The following SLC25A15 variants were observed in gnomAD, a reference collection of about 807,000 sequenced individuals.
SLC25A15 encodes the protein solute carrier family 25 member 15.
Under a neutral mutation model 32.3 loss-of-function variants are expected in SLC25A15, and 24 were observed. That is an observed-to-expected ratio of 0.74 (90% CI 0.54 to 1.04). The LOEUF (loss-of-function observed/expected upper bound fraction) is 1.04. Ranked by LOEUF, SLC25A15 falls within the 50% of genes least tolerant of loss-of-function variation. SLC25A15 has a pLI of 0.00. For missense variants in SLC25A15, 317 were observed against 374.5 expected (o/e 0.85, Z 1.27); for synonymous variants, 132 against 142.1 (o/e 0.93, Z 0.51).
intron 2 of SLC25A15, among the ~76,000 whole-genome samples, chr13:40,797,944 G>A (rs746130260): frequency 1.3e-5 from 2 of 152,170 alleles, no homozygotes; most frequent in Non-Finnish European, 2.9e-5. Flanking sequence ...GGATGTTGTA[G>A]GGTGGTTACA....
In SLC25A15 at chr13:40,799,326, G is replaced by A; in HGVS notation, c.314+11G>A. On this transcript the variant is annotated intron_variant, in intron 3 of 6. Coordinates refer to ENST00000338625, the MANE Select transcript of SLC25A15 (RefSeq NM_014252.4). ...GCAGGCAAAGCTGAGGTGAGTCAAG[G>A]ACACACACTTTTTTTATTTGTTTAA... 1 of 1,614,030 alleles carries A rather than the reference G, an allele frequency of 6.2e-7. No individual in the cohort carries two copies. The highest frequency in any genetic ancestry group is 8.5e-7 in the Non-Finnish European group (1 of 1,180,008).
At position 40,810,679 on chromosome 13, in the gene SLC25A15, G is replaced by T; in HGVS notation, c.*1012G>T. 1 of 519,078 alleles carries T rather than the reference G, an allele frequency of 1.9e-6. No individual in the cohort carries two copies. The highest frequency in any genetic ancestry group is 1.4e-5 in the South Asian group (1 of 69,676). The allele number at this position is 519,078 out of a possible 1,614,324, so 32.2% of individuals were successfully genotyped here. On this transcript the variant is annotated 3_prime_UTR_variant, in exon 7 of 7. Coordinates refer to ENST00000338625, the MANE Select transcript of SLC25A15 (RefSeq NM_014252.4). ...TATTCCACGCTGACTATATTGCTAG[G>T]GGTGGCCCAGAGGGTCAGGCCTTTG...
At chr13:40,809,132 A>G (rs547725163) in intron 6 of SLC25A15, among the ~76,000 whole-genome samples, 4 of 152,280 alleles carry the variant, frequency 2.6e-5, no homozygotes, top group African/African-American at 9.6e-5. Context: ...TTCAATCTTC[A>G]TAACCACCCT....
chr13:40,800,254 T>TG (rs1249298045), intron 3 of SLC25A15, among the ~76,000 whole-genome samples: 17 of 152,038 alleles, frequency 1.1e-4, no homozygotes, highest in Non-Finnish European at 2.5e-4. Context: ...AATTCCACCA[T>TG]GATGGGTAGA....
chr13:40,795,575 C>T (rs371285585), intron 2 of SLC25A15, among the ~76,000 whole-genome samples: 16 of 152,202 alleles, frequency 1.1e-4, no homozygotes, highest in African/African-American at 3.6e-4. Flanking sequence ...GACACAGGGA[C>T]GCCCCTCACC....
rs754389895 is a variant in SLC25A15 at position 40,799,334 on chromosome 13, CTTT to C, written c.314+24_314+26del. 3.7e-6 allele frequency: 6 copies of C among 1,613,786 alleles called. No homozygotes were observed. The Admixed American group carries it at 6.7e-5, about 18-fold the overall frequency. On this transcript the variant is annotated intron_variant, in intron 3 of 6. Transcript: ENST00000338625. ...AGCTGAGGTGAGTCAAGGACACACA[CTTT>C]TTTTATTTGTTTAAAAAAACCCCAC... is the stretch of plus-strand genomic sequence containing the variant.
At chr13:40,796,266 T>G (rs574012141) in intron 2 of SLC25A15, among the ~76,000 whole-genome samples, 1 of 152,328 alleles carries the variant, frequency 6.6e-6, no homozygotes, top group African/African-American at 2.4e-5. Flanking sequence ...TTTAGCCAGC[T>G]TATCTACTCT....
At chr13:40,807,261 G>A (rs2138056505) in intron 4 of SLC25A15, 33 bp from the exon 5 acceptor site, 1 of 1,610,312 alleles carries the variant, frequency 6.2e-7, no homozygotes, top group Non-Finnish European at 8.5e-7. Flanking sequence ...CCCACCTGCT[G>A]TAACCGTGCT....
chr13:40,812,283 G>C lies in SLC25A15; in HGVS notation c.*2616G>C, dbSNP rs1882488827. 6.6e-6 allele frequency among the ~76,000 whole-genome samples: 1 copy of C among 152,220 alleles called. No homozygotes were observed. The highest frequency in any genetic ancestry group is 2.1e-4 in the South Asian group (1 of 4,832). ...GTTCAATAGAAAGAGTCTGAGGCAAGTGGAAATGAGGAACGGAAACTTAGG... is the reference window on the plus strand; with the variant it reads ...GTTCAATAGAAAGAGTCTGAGGCAACTGGAAATGAGGAACGGAAACTTAGG... On this transcript the variant is annotated 3_prime_UTR_variant, in exon 7 of 7. Coordinates refer to ENST00000338625, the MANE Select transcript of SLC25A15 (RefSeq NM_014252.4).
At chr13:40,807,143 C>G in intron 4 of SLC25A15, 151 bp from the exon 5 acceptor site, 1 of 769,678 alleles carries the variant, frequency 1.3e-6, no homozygotes, top group Non-Finnish European at 2.3e-6. Context: ...CAGAAGGATG[C>G]CGTTGAGTCT....
intron 1 of SLC25A15, among the ~76,000 whole-genome samples, chr13:40,792,162 A>G (rs1165906361): frequency 6.6e-6 from 1 of 152,256 alleles, no homozygotes; most frequent in Non-Finnish European, 1.5e-5. Context: ...AAGAAATTCT[A>G]GTTTTCCCAA....
chr13:40,811,787 C>G lies in SLC25A15; in HGVS notation c.*2120C>G, dbSNP rs1882465637. 6.6e-6 allele frequency among the ~76,000 whole-genome samples: 1 copy of G among 152,194 alleles called. No individual in the cohort carries two copies. The highest frequency in any genetic ancestry group is 2.1e-4 in the South Asian group (1 of 4,828). On this transcript the variant is annotated 3_prime_UTR_variant, in exon 7 of 7. Transcript: ENST00000338625. Reference sequence around the variant, plus strand: ...TATCAATTTTAATAATAGTCCATACCATGTATGTGTTTCTGTCAGCAGAAT... The same window carrying G: ...TATCAATTTTAATAATAGTCCATACGATGTATGTGTTTCTGTCAGCAGAAT...
intron 1 of SLC25A15, among the ~76,000 whole-genome samples, chr13:40,790,297 C>T (rs1411523693): frequency 6.6e-6 from 1 of 152,148 alleles, no homozygotes; most frequent in Non-Finnish European, 1.5e-5. Flanking sequence ...CCCCAAGGGT[C>T]GAGAAAAGTG....
At chr13:40,806,251 T>C (rs552006692) in intron 4 of SLC25A15, among the ~76,000 whole-genome samples, 4 of 152,370 alleles carry the variant, frequency 2.6e-5, no homozygotes, top group African/African-American at 9.6e-5. Context: ...ACACAATTTA[T>C]GTGCCTTTGT....
At chr13:40,805,432 A>G (rs2138054497) in intron 4 of SLC25A15, among the ~76,000 whole-genome samples, 177 bp downstream of exon 4, 1 of 152,296 alleles carries the variant, frequency 6.6e-6, no homozygotes, top group African/African-American at 2.4e-5. Context: ...CTGTGATGGG[A>G]CCCACCACCC....
intron 3 of SLC25A15, among the ~76,000 whole-genome samples, chr13:40,800,871 T>C (rs940598749): frequency 6.6e-6 from 1 of 152,244 alleles, no homozygotes; most frequent in Non-Finnish European, 1.5e-5. Flanking sequence ...TACGTCACAG[T>C]GTCTCTCTCG....
rs370453495 is a variant in SLC25A15, at chr13:40,798,862, G to T, written c.56-195G>T. On this transcript the variant is annotated intron_variant, in intron 2 of 6. Coordinates refer to ENST00000338625, the MANE Select transcript of SLC25A15 (RefSeq NM_014252.4). ...CCCTGCCTGGCATGAGCTCCTTCAG[G>T]GTGGGACTTAGATGCCAGGCACATC... The T allele has an allele frequency of 2.2e-5, 22 of 985,408 alleles. No individual in the cohort carries two copies. The East Asian group carries it at 1.1e-3, about 51-fold the overall frequency. The allele number at this position is 985,408 out of a possible 1,614,324, so 61.0% of individuals were successfully genotyped here. A position where few individuals can be genotyped will look rare whatever the true frequency, so the allele number is the denominator to read the frequency against.
At chr13:40,792,163 G>C (rs1881530665) in intron 1 of SLC25A15, among the ~76,000 whole-genome samples, 1 of 152,228 alleles carries the variant, frequency 6.6e-6, no homozygotes, top group African/African-American at 2.4e-5. Flanking sequence ...AGAAATTCTA[G>C]TTTTCCCAAA....
At chr13:40,794,707 G>A (rs1425498162) in intron 2 of SLC25A15, among the ~76,000 whole-genome samples, 2 of 152,138 alleles carry the variant, frequency 1.3e-5, no homozygotes, top group Admixed American at 6.5e-5. Context: ...CTGGGCTCCC[G>A]CAGGATTCTC....
Sources: allele counts gnomAD v4.1 joint callset (sites outside exome capture counted in the v4.1 genomes callset), GRCh38; gene constraint gnomAD v4.1.1; transcripts MANE v1.5; gene names NCBI Gene and HGNC (gene_info 2026-07-23, HGNC 2026-07-21).